The following AKNAD1 variants were observed in gnomAD, a reference collection of about 807,000 sequenced individuals.
AKNAD1 encodes the protein AKNA domain containing 1.
In AKNAD1, 67 loss-of-function variants were observed where a neutral mutation model predicts 90.8. The ratio of observed to expected loss-of-function variants is 0.74; its 90% CI spans 0.61 to 0.90. AKNAD1 has a LOEUF of 0.90. AKNAD1 is among the 40% of genes least tolerant of loss of function. AKNAD1 has a pLI of 0.00. For synonymous variants in AKNAD1, 327 were observed against 341.4 expected (o/e 0.96, Z 0.46); for missense variants, 957 against 975.4 (o/e 0.98, Z 0.25).
chr1:108,857,777 G>GT (rs1383677393), upstream of AKNAD1, among the ~76,000 whole-genome samples: 1 of 152,140 alleles, frequency 6.6e-6, no homozygotes, highest in Non-Finnish European at 1.5e-5. Flanking sequence ...GTACAACCAC[G>GT]TAACACTCAC....
chr1:108,837,587 T>A lies in AKNAD1; in HGVS notation c.1499A>T (p.Asp500Val). Reference sequence around the variant, plus strand: ...TGAAGAGAAGGTGGAGGCCAAGTCATCCAGGGTAACTGGAGAACTCACAGG... The same window carrying A: ...TGAAGAGAAGGTGGAGGCCAAGTCAACCAGGGTAACTGGAGAACTCACAGG... ...SLPVSSPVTL[D>V]DLASTFSSLS... Residue 500 changes from aspartate to valine, a missense_variant, in exon 7 of 16, where the codon GAT (aspartate) becomes GTT (valine). Physicochemically the swap from Asp to Val is radical, Grantham distance 152 (BLOSUM62 -3). Coordinates refer to ENST00000370001, the MANE Select transcript of AKNAD1 (RefSeq NM_152763.5). 1 of 1,614,148 alleles carries A rather than the reference T, an allele frequency of 6.2e-7. No individual in the cohort carries two copies. The highest frequency in any genetic ancestry group is 8.5e-7 in the Non-Finnish European group (1 of 1,180,026).
At chr1:108,824,744 C>T (rs1366647027) in intron 11 of AKNAD1, among the ~76,000 whole-genome samples, 4 of 151,064 alleles carry the variant, frequency 2.6e-5, no homozygotes, top group Non-Finnish European at 5.9e-5. Flanking sequence ...ATATTGGGTC[C>T]CTATGTTGTC....
chr1:108,853,929 C>A (rs1052992904), intron 1 of AKNAD1, among the ~76,000 whole-genome samples: 2 of 83,522 alleles, frequency 2.4e-5, no homozygotes, highest in Non-Finnish European at 4.7e-5. Flanking sequence ...GAGAGAGACC[C>A]CGTCTCAAAA....
intron 14 of AKNAD1, among the ~76,000 whole-genome samples, 174 bp downstream of exon 14, chr1:108,820,371 T>G (rs1663772858): frequency 6.6e-6 from 1 of 152,196 alleles, no homozygotes; most frequent in Non-Finnish European, 1.5e-5. Context: ...ATGACTTGGT[T>G]TATTGAATAA....
At position 108,823,585 on chromosome 1, in the gene AKNAD1, G is replaced by C. The variant is rs144702847; in HGVS notation, c.2040C>G (p.Cys680Trp). The C allele has an allele frequency of 6.2e-7, 1 of 1,614,114 alleles. No homozygotes were observed. The highest frequency in any genetic ancestry group is 2.2e-5 in the East Asian group (1 of 44,884). The change falls in exon 12 of 16, where the codon TGC becomes TGG. Residue 680 changes from cysteine (C) to tryptophan (W), a missense_variant. Physicochemically the swap from Cys to Trp is radical, Grantham distance 215. Coordinates refer to ENST00000370001, the MANE Select transcript of AKNAD1 (RefSeq NM_152763.5). ...TGTTACCTTTAGTTGGTTCTTTCCT[G>C]CAGGCTCTTCGGGAGGTAGGAATCT... ...GTKIPTSRRACRKEPTKEFHY... is the reference protein window; with the variant it reads ...GTKIPTSRRAWRKEPTKEFHY...
chr1:108,823,592 C>T lies in AKNAD1; in HGVS notation c.2033G>A (p.Arg678Lys), dbSNP rs746409597. ...DCGTKIPTSRRACRKEPTKEF... is the reference protein window; with the variant it reads ...DCGTKIPTSRKACRKEPTKEF... ...TTTAGTTGGTTCTTTCCTGCAGGCT[C>T]TTCGGGAGGTAGGAATCTTAGTGCC... Residue 678 changes from arginine to lysine, a missense_variant, in exon 12 of 16, where the codon AGA (arginine) becomes AAA (lysine). Physicochemically the swap from Arg to Lys is conservative, Grantham distance 26. Coordinates refer to ENST00000370001, the MANE Select transcript of AKNAD1 (RefSeq NM_152763.5). 4.3e-6 allele frequency: 7 copies of T among 1,614,110 alleles called. No homozygotes were observed. The highest frequency in any genetic ancestry group is 5.1e-6 in the Non-Finnish European group (6 of 1,180,012).
upstream of AKNAD1, chr1:108,857,957 C>T (rs1665095362): frequency 6.6e-6 from 1 of 152,524 alleles, no homozygotes; most frequent in African/African-American, 2.4e-5. Flanking sequence ...TCAATTTTTA[C>T]TACACAAAGC....
At chr1:108,844,364 C>T (rs1466636825) in intron 5 of AKNAD1, among the ~76,000 whole-genome samples, 1 of 137,960 alleles carries the variant, frequency 7.2e-6, no homozygotes, top group African/African-American at 3.0e-5. Flanking sequence ...CTCCATCTCT[C>T]TCTCTCTCTC....
chr1:108,825,477 G>A (rs1221217491), intron 11 of AKNAD1, among the ~76,000 whole-genome samples: 2 of 151,676 alleles, frequency 1.3e-5, no homozygotes, highest in African/African-American at 2.4e-5. Context: ...ACTGGCAACA[G>A]TTTTCAAACT....
chr1:108,830,281 G>C (rs547944177), intron 10 of AKNAD1, among the ~76,000 whole-genome samples: 111 of 152,294 alleles, frequency 7.3e-4, no homozygotes, highest in African/African-American at 2.6e-3. Context: ...ATTCCTACCA[G>C]AGCCCCACCG....
At chr1:108,825,382 TTC>T (rs1230048311) in intron 11 of AKNAD1, among the ~76,000 whole-genome samples, 1 of 151,738 alleles carries the variant, frequency 6.6e-6, no homozygotes, top group African/African-American at 2.4e-5. Flanking sequence ...GTCACTTAAT[TTC>T]TCTGAGCCTC....
chr1:108,852,520 A>T lies in AKNAD1; in HGVS notation c.145T>A (p.Phe49Ile). The T allele has an allele frequency of 6.2e-7, 1 of 1,614,160 alleles. No individual in the cohort carries two copies. The highest frequency in any genetic ancestry group is 8.5e-7 in the Non-Finnish European group (1 of 1,180,012). Residue 49 changes from phenylalanine to isoleucine, a missense_variant, in exon 2 of 16, where the codon TTC becomes ATC. By Grantham distance (21) the Phe-to-Ile change is conservative. Coordinates refer to ENST00000370001, the MANE Select transcript of AKNAD1 (RefSeq NM_152763.5). ...DGLEVLNQII[F>I]IADDPQEKAM... ...TTCTCTTGAGGGTCATCTGCTATGA[A>T]AATAATTTGATTTAAGACTTCAAGG...
intron 2 of AKNAD1, 25 bp from the exon 3 acceptor site, chr1:108,849,601 C>T (rs763088620): frequency 3.4e-5 from 53 of 1,549,212 alleles, no homozygotes; most frequent in Admixed American, 5.0e-5. Flanking sequence ...GGTAAGAAAA[C>T]GTTACTGTCG....
At position 108,816,220 on chromosome 1, in the gene AKNAD1, G is replaced by A; in HGVS notation, c.2462C>T (p.Ala821Val). 3 of 1,613,656 alleles carry A rather than the reference G, an allele frequency of 1.9e-6. No homozygotes were observed. The highest frequency in any genetic ancestry group is 2.5e-6 in the Non-Finnish European group (3 of 1,179,854). The part of the protein sequence containing the change: ...ETTDQMIKTI[A>V]EDLAKAQRWR... ...CCTCTGTGCTTTAGCAAGGTCTTCT[G>A]CAATCGTTTTAATCATTTGATCTGT... The change falls in exon 16 of 16, where the codon GCA (alanine) becomes GTA (valine). Residue 821 changes from alanine to valine, a missense_variant. Physicochemically the swap from Ala to Val is moderately conservative, Grantham distance 64 (BLOSUM62 0). Transcript: ENST00000370001.
At chr1:108,854,626 GT>G (rs1664980651) in intron 1 of AKNAD1, among the ~76,000 whole-genome samples, 1 of 152,188 alleles carries the variant, frequency 6.6e-6, no homozygotes, top group African/African-American at 2.4e-5. Flanking sequence ...CAGATGCTCT[GT>G]TTAGAGAGGT....
At position 108,816,112 on chromosome 1, in the gene AKNAD1, G is replaced by A. The variant is rs1570784702; in HGVS notation, c.*59C>T. The stretch of plus-strand genomic sequence containing the variant: ...TGTAGTAAGTAAAATACATTTTGGG[G>A]GAAGATCAAGTTTTCTTTGCATTTT... On this transcript the variant is annotated 3_prime_UTR_variant, in exon 16 of 16. Transcript: ENST00000370001. 6.7e-7 allele frequency: 1 copy of A among 1,487,202 alleles called. No individual in the cohort carries two copies. Among genetic ancestry groups the A allele is most frequent in the East Asian group, 2.4e-5 (1 of 41,608 alleles). The allele number at this position is 1,487,202 out of a possible 1,614,324, so 92.1% of individuals were successfully genotyped here. A position where few individuals can be genotyped will look rare whatever the true frequency, so the allele number is the denominator to read the frequency against.
chr1:108,853,618 G>A (rs1664937911), intron 1 of AKNAD1, among the ~76,000 whole-genome samples: 1 of 152,032 alleles, frequency 6.6e-6, no homozygotes, highest in Non-Finnish European at 1.5e-5. Context: ...TGTCTGAGAA[G>A]GGCAGAGAAG....
chr1:108,848,379 T>C (rs1242019613), intron 5 of AKNAD1, among the ~76,000 whole-genome samples: 3 of 152,230 alleles, frequency 2.0e-5, no homozygotes, highest in African/African-American at 4.8e-5. Context: ...TTCAAAGTCA[T>C]ATTTAATTTC....
In AKNAD1 at chr1:108,823,615, G is replaced by T; in HGVS notation, c.2010C>A (p.Gly670=). 1 of 1,614,106 alleles carries T rather than the reference G, an allele frequency of 6.2e-7. No homozygotes were observed. Among genetic ancestry groups the T allele is most frequent in the Non-Finnish European group, 8.5e-7 (1 of 1,180,028 alleles). ...CTCTTCGGGAGGTAGGAATCTTAGT[G>T]CCACAGTCCTGACATTTGTTACTCT... ...EMQSNKCQDC[G]TKIPTSRRAC... is the part of the protein sequence containing the mutation. The change falls in exon 12 of 16, where the codon GGC becomes GGA. Residue 670 remains glycine (G), a synonymous_variant. Coordinates refer to ENST00000370001, the MANE Select transcript of AKNAD1 (RefSeq NM_152763.5).
Sources: gnomAD v4.1 joint callset for allele counts (sites outside exome capture counted in the v4.1 genomes callset) on GRCh38, gnomAD v4.1.1 for gene constraint, MANE v1.5 for transcripts, NCBI Gene and HGNC (gene_info 2026-07-23, HGNC 2026-07-21) for gene names.